The following BAG3 variants were observed in gnomAD, a reference collection of about 807,000 sequenced individuals.
BAG3 encodes the protein BAG cochaperone 3.
BAG3 carries 14 observed loss-of-function variants against 40.5 expected under a neutral mutation model. The ratio of observed to expected loss-of-function variants is 0.35; its 90% CI spans 0.23 to 0.54. The LOEUF (loss-of-function observed/expected upper bound fraction) is 0.54, where lower values mean the gene tolerates loss of function less well. Ranked by LOEUF, BAG3 falls within the 20% of genes least tolerant of loss-of-function variation. The pLI is 0.91. For missense variants in BAG3, 788 were observed against 758.6 expected, an observed-to-expected ratio of 1.04 and a Z score of -0.46; for synonymous variants, 302 against 307.8, an observed-to-expected ratio of 0.98 and a Z score of 0.20.
intron 1 of BAG3, among the ~76,000 whole-genome samples, chr10:119,656,443 C>T (rs1295245076): frequency 1.4e-5 from 2 of 142,916 alleles, no homozygotes; most frequent in African/African-American, 2.6e-5. Flanking sequence ...TGCCGTAGTG[C>T]GATCTTGGCT....
At chr10:119,658,116 AG>A (rs1205011019) in intron 1 of BAG3, among the ~76,000 whole-genome samples, 4 of 152,254 alleles carry the variant, frequency 2.6e-5, no homozygotes, top group African/African-American at 9.6e-5. Flanking sequence ...TATCTTCCTC[AG>A]TGTTTATTAA....
chr10:119,654,448 C>T (rs1315629994), intron 1 of BAG3, among the ~76,000 whole-genome samples: 2 of 152,162 alleles, frequency 1.3e-5, no homozygotes, highest in Non-Finnish European at 2.9e-5. Flanking sequence ...AAGACTAGAC[C>T]TTTGTATTTT....
chr10:119,672,677 G>T lies in BAG3; in HGVS notation c.909+21G>T. On this transcript the variant is annotated intron_variant, in intron 3 of 3. Transcript: ENST00000369085. This position sits in a 1 kb window ranked among gnomAD's most constrained non-coding sequence, Gnocchi z 4.8. ...CTCAGGTACGGGAAGTTAGTCGTCAGCAGACTGGTTATGGTGGTATGTCTC... is the reference window on the plus strand; with the variant it reads ...CTCAGGTACGGGAAGTTAGTCGTCATCAGACTGGTTATGGTGGTATGTCTC... The T allele has an allele frequency of 6.2e-7, 1 of 1,609,780 alleles. No homozygotes were observed. The highest frequency in any genetic ancestry group is 1.1e-5 in the South Asian group (1 of 91,082).
chr10:119,661,347 C>T (rs1325769907), intron 1 of BAG3, among the ~76,000 whole-genome samples: 3 of 152,160 alleles, frequency 2.0e-5, no homozygotes, highest in Admixed American at 6.5e-5. Flanking sequence ...TACCTTATTT[C>T]GTACCTTATT....
At position 119,659,579 on chromosome 10, in the gene BAG3, C is replaced by T. The variant is rs914213272; in HGVS notation, c.180+7724C>T. Among the ~76,000 whole-genome samples, 8 of 152,326 alleles carry T rather than the reference C, an allele frequency of 5.3e-5. No homozygotes were observed. In the South Asian group the frequency reaches 8.3e-4, roughly 16 times the overall value. On this transcript the variant is annotated intron_variant, in intron 1 of 3. Coordinates refer to ENST00000369085, the MANE Select transcript of BAG3 (RefSeq NM_004281.4). ...ACTGCAGGTGGGAGCAGAGCCCCCC[C>T]GGGACTCAGGGGTCTCACCGTCCAT... is the stretch of plus-strand genomic sequence containing the variant.
At position 119,676,744 on chromosome 10, in the gene BAG3, C is replaced by T; in HGVS notation, c.1190C>T (p.Ala397Val). 1 of 1,614,114 alleles carries T rather than the reference C, an allele frequency of 6.2e-7. No individual in the cohort carries two copies. The highest frequency in any genetic ancestry group is 8.5e-7 in the Non-Finnish European group (1 of 1,180,022). Residue 397 changes from alanine to valine, a missense_variant, in exon 4 of 4, where the codon GCC becomes GTC. By Grantham distance (64) the Ala-to-Val change is moderately conservative (BLOSUM62 0). Coordinates refer to ENST00000369085, the MANE Select transcript of BAG3 (RefSeq NM_004281.4). The part of the protein sequence containing the change: ...PKSVATEERA[A>V]PSTAPAEATP... ...AGTGTGGCTACAGAAGAGAGGGCAG[C>T]CCCCAGCACTGCCCCTGCAGAAGCT...
intron 1 of BAG3, among the ~76,000 whole-genome samples, chr10:119,669,540 C>T (rs1847113352): frequency 1.3e-5 from 2 of 152,226 alleles, no homozygotes; most frequent in Admixed American, 1.3e-4. Context: ...GGCAGCTCTC[C>T]TACACTCACC....
At chr10:119,652,138 C>T (rs1846851503) in intron 1 of BAG3, among the ~76,000 whole-genome samples, 2 of 152,098 alleles carry the variant, frequency 1.3e-5, no homozygotes, top group Non-Finnish European at 2.9e-5. Flanking sequence ...CACGGCTCGA[C>T]TCCAGGGCGG....
At chr10:119,675,907 T>TCCCCTTTTCCTCCCTTCCCC (rs1564776218) in intron 3 of BAG3, among the ~76,000 whole-genome samples, 1 of 9,020 alleles carries the variant, frequency 1.1e-4, no homozygotes, top group Non-Finnish European at 1.9e-4. Context: ...CTTCCCCCCT[T>TCCCCTTTTCCTCCCTTCCCC]CCTTCCTTCC....
rs1469879253 is a variant in BAG3, at chr10:119,676,848, G to A, written c.1294G>A (p.Val432Ile). 4 of 1,614,028 alleles carry A rather than the reference G, an allele frequency of 2.5e-6. No individual in the cohort carries two copies. Among genetic ancestry groups the A allele is most frequent in the African/African-American group, 1.3e-5 (1 of 74,916 alleles). ...GAAAGTGGAAGCCATCCTGGAGAAG[G>A]TACAGGGGCTGGAGCAGGCTGTAGA... ...VLKVEAILEK[V>I]QGLEQAVDNF... Residue 432 changes from valine (V) to isoleucine (I), a missense_variant, in exon 4 of 4, where the codon GTA becomes ATA. Val to Ile is a conservative substitution (Grantham distance 29). Coordinates refer to ENST00000369085, the MANE Select transcript of BAG3 (RefSeq NM_004281.4).
intron 1 of BAG3, among the ~76,000 whole-genome samples, chr10:119,658,606 G>A (rs1209573834): frequency 6.6e-6 from 1 of 152,214 alleles, no homozygotes; most frequent in African/African-American, 2.4e-5. Context: ...TACCCCGGGA[G>A]ATGAAGGTTT....
At chr10:119,676,403 C>T in intron 3 of BAG3, 61 bp from the exon 4 acceptor site, 1 of 1,575,830 alleles carries the variant, frequency 6.3e-7, no homozygotes. Flanking sequence ...GTACTAGCTA[C>T]AAACAATTTC....
At chr10:119,657,432 T>C (rs1029533197) in intron 1 of BAG3, 4 of 434,236 alleles carry the variant, frequency 9.2e-6, no homozygotes, top group African/African-American at 6.1e-5. Flanking sequence ...GTCTGTGTGC[T>C]TCATCGCTGC....
intron 2 of BAG3, among the ~76,000 whole-genome samples, chr10:119,671,101 A>C (rs941834267): frequency 6.6e-6 from 1 of 152,180 alleles, no homozygotes; most frequent in East Asian, 1.9e-4. Context: ...TGAGGCCAGG[A>C]ATTCAAGACC....
Position 119,672,673 on chromosome 10 carries a change from G to A in BAG3, c.909+17G>A, listed in dbSNP as rs139086861. 2.8e-4 allele frequency: 454 copies of A among 1,610,444 alleles called. 2 individuals carry two copies. The African/African-American group carries it at 5.3e-3, about 19-fold the overall frequency. ...AGGCCTCAGGTACGGGAAGTTAGTC[G>A]TCAGCAGACTGGTTATGGTGGTATG... is the stretch of plus-strand genomic sequence containing the variant. On this transcript the variant is annotated intron_variant, in intron 3 of 3. Coordinates refer to ENST00000369085, the MANE Select transcript of BAG3 (RefSeq NM_004281.4). This position sits in a 1 kb window ranked among gnomAD's most constrained non-coding sequence, Gnocchi z 4.8.
intron 1 of BAG3, among the ~76,000 whole-genome samples, chr10:119,658,669 G>T (rs1589623173): frequency 6.6e-6 from 1 of 152,224 alleles, no homozygotes; most frequent in South Asian, 2.1e-4. Flanking sequence ...TGTGACAGGA[G>T]TAGCAGAAAG....
Position 119,672,259 on chromosome 10 carries a change from C to T in BAG3, c.512C>T (p.Ser171Phe), listed in dbSNP as rs794728978. 6.2e-7 allele frequency: 1 copy of T among 1,613,148 alleles called. No homozygotes were observed. The highest frequency in any genetic ancestry group is 8.5e-7 in the Non-Finnish European group (1 of 1,180,028). Residue 171 changes from serine to phenylalanine, a missense_variant, in exon 3 of 4, where the codon TCC becomes TTC. Coordinates refer to ENST00000369085, the MANE Select transcript of BAG3 (RefSeq NM_004281.4). This position sits in a 1 kb window ranked among gnomAD's most constrained non-coding sequence, Gnocchi z 4.8. ...TCTACCCTGTGTCTCTTGCAGCGGT[C>T]CCAGTCTCCAGCTGCCTCTGACTGC... ...QPPASHGPER[S>F]QSPAASDCSS...
chr10:119,652,241 C>T (rs1846852688), intron 1 of BAG3, among the ~76,000 whole-genome samples: 1 of 152,074 alleles, frequency 6.6e-6, no homozygotes, highest in South Asian at 2.1e-4. Context: ...CACCGTGGCC[C>T]CTGCTGCCCG....
In BAG3 at chr10:119,672,480, C is replaced by G. The variant is rs1564774642; in HGVS notation, c.733C>G (p.Pro245Ala). 6.2e-7 allele frequency: 1 copy of G among 1,614,220 alleles called. No individual in the cohort carries two copies. The highest frequency in any genetic ancestry group is 1.1e-5 in the South Asian group (1 of 91,078). The part of the protein sequence containing the change: ...AQQGEYQTHQ[P>A]VYHKIQGDDW... ...GCAGGGGGAGTACCAGACCCACCAG[C>G]CTGTGTACCACAAGATCCAGGGGGA... Residue 245 changes from proline to alanine, a missense_variant, in exon 3 of 4, where the codon CCT (proline) becomes GCT (alanine). Pro to Ala is a conservative substitution (Grantham distance 27). Transcript: ENST00000369085. This position sits in a 1 kb window ranked among gnomAD's most constrained non-coding sequence, Gnocchi z 4.8.
Sources: allele counts gnomAD v4.1 joint callset (sites outside exome capture counted in the v4.1 genomes callset), GRCh38; gene constraint gnomAD v4.1.1; non-coding constraint Gnocchi (gnomAD v3.1); transcripts MANE v1.5; gene names NCBI Gene and HGNC (gene_info 2026-07-23, HGNC 2026-07-21).